The following CTNNA2 variants were observed in gnomAD, a reference collection of about 807,000 sequenced individuals.
The protein encoded by CTNNA2 is catenin alpha 2, also known as catenin alpha-2.
CTNNA2 carries 42 observed loss-of-function variants against 101.0 expected under a neutral mutation model. The ratio of observed to expected loss-of-function variants is 0.42; its 90% CI spans 0.32 to 0.54. CTNNA2 has a LOEUF of 0.54. CTNNA2 is among the 20% of genes least tolerant of loss of function. The pLI is 0.14. For missense variants in CTNNA2, 871 were observed against 1,223.1 expected, an observed-to-expected ratio of 0.71 and a Z score of 4.29; for synonymous variants, 450 against 456.4, an observed-to-expected ratio of 0.99 and a Z score of 0.18.
At chr2:79,214,891 G>A (rs1326185237) in intron 2 of CTNNA2, among the ~76,000 whole-genome samples, 1 of 151,886 alleles carries the variant, frequency 6.6e-6, no homozygotes, top group Non-Finnish European at 1.5e-5. Context: ...TAGAAGCCTG[G>A]CCGTCAATAC....
At chr2:80,623,762 A>C (rs1671387773) in intron 18 of CTNNA2, among the ~76,000 whole-genome samples, 1 of 151,934 alleles carries the variant, frequency 6.6e-6, no homozygotes. Context: ...TCCCCAGCAC[A>C]CAACAGGTGA....
At chr2:80,644,345 T>C (rs556556976) in intron 18 of CTNNA2, among the ~76,000 whole-genome samples, 30 of 152,316 alleles carry the variant, frequency 2.0e-4, no homozygotes, top group African/African-American at 4.6e-4. Context: ...TGAAAACTTA[T>C]ACGTATTCAC....
At chr2:80,281,302 G>A (rs960216665) in intron 7 of CTNNA2, among the ~76,000 whole-genome samples, 2 of 152,120 alleles carry the variant, frequency 1.3e-5, no homozygotes, top group African/African-American at 4.8e-5. Context: ...GCGTGCAGAA[G>A]TGACTCACTT....
chr2:79,765,545 A>C (rs2105110305), intron 3 of CTNNA2, among the ~76,000 whole-genome samples: 1 of 152,292 alleles, frequency 6.6e-6, no homozygotes, highest in South Asian at 2.1e-4. Context: ...TGGGCAGGTT[A>C]AAGTTGCTAC....
intron 7 of CTNNA2, among the ~76,000 whole-genome samples, chr2:80,215,680 G>A (rs545055118): frequency 2.6e-5 from 4 of 152,322 alleles, no homozygotes; most frequent in Admixed American, 6.5e-5. Context: ...CTACTGGGAG[G>A]TGTCTTGCAA....
At chr2:80,285,977 A>G (rs770916144) in intron 7 of CTNNA2, among the ~76,000 whole-genome samples, 19 of 152,054 alleles carry the variant, frequency 1.2e-4, no homozygotes, top group African/African-American at 4.3e-4. Context: ...ATTGACTGTC[A>G]ATTTCCATAA....
intron 1 of CTNNA2, among the ~76,000 whole-genome samples, chr2:79,587,127 C>T (rs761137998): frequency 2.6e-5 from 4 of 152,102 alleles, no homozygotes; most frequent in East Asian, 1.9e-4. Flanking sequence ...CTGCTATAAA[C>T]GTGTGTGCGC....
At chr2:80,545,835 T>C (rs1005495007) in intron 10 of CTNNA2, 72 bp from the exon 11 acceptor site, 2 of 1,522,078 alleles carry the variant, frequency 1.3e-6, no homozygotes, top group African/African-American at 1.4e-5. Flanking sequence ...GGTTTTAACA[T>C]GGTCTTTGAC....
chr2:79,747,239 A>ATCT (rs70940042), intron 3 of CTNNA2, among the ~76,000 whole-genome samples: 52,604 of 151,968 alleles, frequency 0.35, 9,374 homozygotes, highest in African/African-American at 0.44. Context: ...GCAGTGCCAA[A>ATCT]TCTAAGTTTT....
chr2:79,890,152 G>A (rs1264753419), intron 6 of CTNNA2, among the ~76,000 whole-genome samples: 2 of 152,104 alleles, frequency 1.3e-5, no homozygotes, highest in African/African-American at 4.8e-5. Flanking sequence ...TGCTTTGTTG[G>A]TCTCTGAAGA....
intron 9 of CTNNA2, among the ~76,000 whole-genome samples, chr2:80,460,471 T>A (rs1241059095): frequency 6.6e-6 from 1 of 152,178 alleles, no homozygotes; most frequent in African/African-American, 2.4e-5. Context: ...ACATAGGCTT[T>A]AAGAAAAAGC....
chr2:80,631,361 ATTTTTTTTT>A, intron 18 of CTNNA2, among the ~76,000 whole-genome samples: 1 of 108,334 alleles, frequency 9.2e-6, no homozygotes, highest in Non-Finnish European at 2.1e-5. Context: ...GAAACCACTA[ATTTTTTTTT>A]TTTTTTTTTT....
intron 2 of CTNNA2, among the ~76,000 whole-genome samples, chr2:79,666,038 G>C (rs559373995): frequency 2.6e-5 from 4 of 152,078 alleles, no homozygotes; most frequent in African/African-American, 7.2e-5. Flanking sequence ...TTTTATCCCC[G>C]AGGGGAATTT....
At chr2:79,377,839 G>A (rs1677994968) in intron 4 of CTNNA2, among the ~76,000 whole-genome samples, 1 of 152,024 alleles carries the variant, frequency 6.6e-6, no homozygotes, top group South Asian at 2.1e-4. Flanking sequence ...CTTATCTGAT[G>A]CAAACATGAA....
intron 7 of CTNNA2, among the ~76,000 whole-genome samples, chr2:80,257,839 C>T (rs1306190625): frequency 6.6e-6 from 1 of 152,206 alleles, no homozygotes; most frequent in African/African-American, 2.4e-5. Context: ...AAGTCTACAC[C>T]CGGGCAATCA....
chr2:79,298,999 G>T (rs1309629193), intron 2 of CTNNA2, among the ~76,000 whole-genome samples: 3 of 152,192 alleles, frequency 2.0e-5, no homozygotes, highest in Non-Finnish European at 4.4e-5. Context: ...CATTTGAAGA[G>T]CTTAGAACAA....
At chr2:79,396,362 T>C (rs911716791) in intron 4 of CTNNA2, among the ~76,000 whole-genome samples, 8 of 152,104 alleles carry the variant, frequency 5.3e-5, no homozygotes, top group Non-Finnish European at 8.8e-5. Context: ...TTTCACTATG[T>C]TGGCCAAGCT....
intron 1 of CTNNA2, among the ~76,000 whole-genome samples, chr2:79,599,799 A>G (rs1178001806): frequency 1.3e-5 from 2 of 152,214 alleles, no homozygotes; most frequent in Non-Finnish European, 2.9e-5. Context: ...ATACCAAGGG[A>G]AAGTTTCTTT....
chr2:79,294,816 ATG>A (rs1395976310), intron 2 of CTNNA2, among the ~76,000 whole-genome samples: 1 of 152,124 alleles, frequency 6.6e-6, no homozygotes, highest in Non-Finnish European at 1.5e-5. Context: ...TCATAATTCT[ATG>A]TGTGACTATT....
Sources: gnomAD v4.1 joint callset for allele counts (sites outside exome capture counted in the v4.1 genomes callset) on GRCh38, gnomAD v4.1.1 for gene constraint, MANE v1.5 for transcripts, NCBI Gene and HGNC (gene_info 2026-07-23, HGNC 2026-07-21) for gene names.